Variants in MBNL1 observed in about 807,000 individuals in gnomAD.
MBNL1 encodes muscleblind like splicing regulator 1, also known as muscleblind-like protein 1.
MBNL1 carries 8 observed loss-of-function variants against 42.2 expected under a neutral mutation model. The ratio of observed to expected loss-of-function variants is 0.19; its 90% CI spans 0.11 to 0.34. The LOEUF (loss-of-function observed/expected upper bound fraction) is 0.34, where lower values mean the gene tolerates loss of function less well. Among genes scored for constraint, MBNL1 ranks in the 10% least tolerant of loss-of-function variants. The probability of loss-of-function intolerance (pLI) is 1.00; values close to 1 mark genes in which losing one functional copy is unlikely to be tolerated. For synonymous variants in MBNL1, 169 were observed against 173.9 expected, an observed-to-expected ratio of 0.97 and a Z score of 0.22; for missense variants, 309 against 495.3, an observed-to-expected ratio of 0.62 and a Z score of 3.57.
chr3:152,263,947 C>T (rs1323978613), upstream of MBNL1: 1 of 152,048 alleles, frequency 6.6e-6, no homozygotes, highest in Non-Finnish European at 1.5e-5. Flanking sequence ...CCTTAGGGCT[C>T]TTGCCATGCA....
chr3:152,284,769 C>T (rs1419718338), intron 1 of MBNL1, among the ~76,000 whole-genome samples: 5 of 151,992 alleles, frequency 3.3e-5, no homozygotes, highest in East Asian at 1.9e-4. Context: ...ATTTTACCTA[C>T]GTGGAAGTTT....
At chr3:152,445,220 ATC>A in intron 4 of MBNL1, 60 bp from the exon 5 acceptor site, 6 of 1,480,456 alleles carry the variant, frequency 4.1e-6, no homozygotes, top group Non-Finnish European at 5.5e-6. Context: ...TTAAGTTAAA[ATC>A]TTCAGAAAGC....
intron 2 of MBNL1, among the ~76,000 whole-genome samples, chr3:152,329,681 ATATATC>A (rs1290604281): frequency 2.1e-3 from 305 of 145,112 alleles, no homozygotes; most frequent in Non-Finnish European, 3.6e-3. Context: ...TCTTATATAT[ATATATC>A]TTATATATTA....
chr3:152,464,877 A>G lies in MBNL1; in HGVS notation c.*2511A>G, dbSNP rs1215002920. Reference sequence around the variant, plus strand: ...TAGTAAGATCTTATTTTGAATAAAAACGTCTATAATTACAAGGAGTTTTGT... The same window carrying G: ...TAGTAAGATCTTATTTTGAATAAAAGCGTCTATAATTACAAGGAGTTTTGT... On this transcript the variant is annotated 3_prime_UTR_variant, in exon 10 of 10. Coordinates refer to ENST00000324210, the MANE Select transcript of MBNL1 (RefSeq NM_021038.5). 6.6e-6 allele frequency: 1 copy of G among 152,644 alleles called. No individual in the cohort carries two copies. The highest frequency in any genetic ancestry group is 1.5e-5 in the Non-Finnish European group (1 of 68,038). 9.5% of individuals were successfully genotyped at this position (152,644 alleles called of 1,614,324 possible). A position where few individuals can be genotyped will look rare whatever the true frequency, so the allele number is the denominator to read the frequency against.
At chr3:152,256,014 C>G (rs1429234328) in intron 2 of MBNL1, among the ~76,000 whole-genome samples, 1 of 152,024 alleles carries the variant, frequency 6.6e-6, no homozygotes, top group East Asian at 1.9e-4. Flanking sequence ...GACTGCAGAC[C>G]AAGGAATGGA....
rs561389521 is a variant in MBNL1, at chr3:152,325,094, C to A, written c.174+24727C>A. 2.2e-4 allele frequency among the ~76,000 whole-genome samples: 16 copies of A among 71,684 alleles called. 6 individuals are homozygous for A. In the South Asian group the frequency reaches 8.9e-3, roughly 40 times the overall value. The allele number at this position is 71,684 out of a possible 152,430, so 47.0% of individuals were successfully genotyped here. ...ATGTAATGCCACATACCCGCCCCCCCCCGCCCGCTTTTTTTTCATTTGTTT... is the reference window on the plus strand; with the variant it reads ...ATGTAATGCCACATACCCGCCCCCCACCGCCCGCTTTTTTTTCATTTGTTT... On this transcript the variant is annotated intron_variant, in intron 2 of 9. Transcript: ENST00000324210.
intron 2 of MBNL1, chr3:152,341,009 T>G: frequency 7.5e-7 from 1 of 1,326,730 alleles, no homozygotes; most frequent in East Asian, 2.5e-5. Flanking sequence ...AACTGTACGA[T>G]GCTTATTTTT....
At chr3:152,418,614 TAA>T (rs35149542) in intron 3 of MBNL1, among the ~76,000 whole-genome samples, 24 of 106,904 alleles carry the variant, frequency 2.2e-4, no homozygotes, top group Admixed American at 4.0e-4. Flanking sequence ...ACCCTGTCTC[TAA>T]AAAAAAAAAA....
intron 1 of MBNL1, among the ~76,000 whole-genome samples, chr3:152,297,184 T>A (rs1332551478): frequency 6.6e-6 from 1 of 151,828 alleles, no homozygotes; most frequent in Non-Finnish European, 1.5e-5. Flanking sequence ...ATGAAATCAT[T>A]GAGTAATTCT....
At chr3:152,412,230 A>G (rs917304036) in intron 2 of MBNL1, among the ~76,000 whole-genome samples, 1 of 152,222 alleles carries the variant, frequency 6.6e-6, no homozygotes, top group African/African-American at 2.4e-5. Flanking sequence ...TAAACTTCCT[A>G]AGAAGCAAAG....
At chr3:152,427,714 A>T (rs564500556) in intron 3 of MBNL1, among the ~76,000 whole-genome samples, 74 of 151,654 alleles carry the variant, frequency 4.9e-4, no homozygotes, top group East Asian at 2.1e-3. Flanking sequence ...GTGCTTTTTT[A>T]AAAAAAATTT....
At chr3:152,375,248 A>G (rs1258524634) in intron 2 of MBNL1, among the ~76,000 whole-genome samples, 1 of 152,214 alleles carries the variant, frequency 6.6e-6, no homozygotes, top group East Asian at 1.9e-4. Flanking sequence ...CATTGGCACT[A>G]AAAGGCTCCT....
intron 2 of MBNL1, among the ~76,000 whole-genome samples, chr3:152,357,789 A>G (rs1260777984): frequency 6.6e-6 from 1 of 152,232 alleles, no homozygotes; most frequent in East Asian, 1.9e-4. Context: ...AGGGGAATCT[A>G]AGCTTCAGTG....
chr3:152,364,902 A>G (rs1288608395), intron 2 of MBNL1, among the ~76,000 whole-genome samples: 2 of 151,972 alleles, frequency 1.3e-5, no homozygotes, highest in African/African-American at 4.8e-5. Flanking sequence ...TTTTTAGTAA[A>G]GATCCAGGGG....
At chr3:152,255,221 G>A (rs1489335854) in intron 2 of MBNL1, among the ~76,000 whole-genome samples, 1 of 152,116 alleles carries the variant, frequency 6.6e-6, no homozygotes, top group African/African-American at 2.4e-5. Context: ...AAGGCTCCCT[G>A]GAGGTAGCTG....
At chr3:152,435,673 G>A (rs1050912347) in intron 4 of MBNL1, among the ~76,000 whole-genome samples, 1 of 152,142 alleles carries the variant, frequency 6.6e-6, no homozygotes, top group Non-Finnish European at 1.5e-5. Context: ...CTATCCATGA[G>A]CATGGAATGT....
intron 2 of MBNL1, chr3:152,340,495 G>A (rs2092866684): frequency 6.5e-7 from 1 of 1,547,106 alleles, no homozygotes; most frequent in Non-Finnish European, 8.7e-7. Context: ...ATTTCTCAGA[G>A]TATATTAAAA....
intron 1 of MBNL1, among the ~76,000 whole-genome samples, chr3:152,271,109 T>A (rs1483529474): frequency 6.6e-6 from 1 of 152,192 alleles, no homozygotes; most frequent in Non-Finnish European, 1.5e-5. Flanking sequence ...CTCTGCGCAG[T>A]CATGCCAAAG....
intron 2 of MBNL1, among the ~76,000 whole-genome samples, chr3:152,404,535 A>G (rs1482067543): frequency 6.6e-6 from 1 of 152,076 alleles, no homozygotes; most frequent in African/African-American, 2.4e-5. Flanking sequence ...TAATGATGTT[A>G]TTATTCTCAA....
Sources: gnomAD v4.1 joint callset for allele counts (sites outside exome capture counted in the v4.1 genomes callset) on GRCh38, gnomAD v4.1.1 for gene constraint, MANE v1.5 for transcripts, NCBI Gene and HGNC (gene_info 2026-07-23, HGNC 2026-07-21) for gene names.